CCDC171: variants seen among roughly 807,000 people sequenced by gnomAD.
The protein encoded by CCDC171 is coiled-coil domain-containing protein 171.
In CCDC171, 177 loss-of-function variants were observed where a neutral mutation model predicts 168.2. That is an observed-to-expected ratio of 1.05 (90% CI 0.93 to 1.19). CCDC171 has a LOEUF of 1.19. Ranked by LOEUF, CCDC171 falls within the 50% of genes most tolerant of loss-of-function variation. CCDC171 has a pLI of 0.00. For missense variants in CCDC171, 1,991 were observed against 1,539.0 expected (o/e 1.29, Z -4.91); for synonymous variants, 687 against 540.8 (o/e 1.27, Z -3.75).
the CCDC171 span, among the ~76,000 whole-genome samples, chr9:16,098,882 G>C: frequency 1.3e-5 from 2 of 152,186 alleles, no homozygotes; most frequent in Non-Finnish European, 2.9e-5. Context: ...GCACATATGT[G>C]GGCACGGATG....
intron 7 of CCDC171, among the ~76,000 whole-genome samples, chr9:15,646,745 A>G (rs1180269853): frequency 2.6e-5 from 4 of 152,262 alleles, no homozygotes; most frequent in African/African-American, 9.6e-5. Flanking sequence ...ACTCAGATTC[A>G]TAAAACAAAT....
intron 7 of CCDC171, among the ~76,000 whole-genome samples, chr9:15,632,053 C>T (rs1399802796): frequency 1.3e-5 from 2 of 152,142 alleles, no homozygotes; most frequent in Non-Finnish European, 2.9e-5. Flanking sequence ...GACAAACCCA[C>T]AGCCAATATC....
chr9:15,994,183 A>G (rs1459973822), intron 3 of CCDC171, among the ~76,000 whole-genome samples: 1 of 152,172 alleles, frequency 6.6e-6, no homozygotes, highest in East Asian at 1.9e-4. Context: ...CTTGGAACCA[A>G]CCCTAATGTC....
intron 24 of CCDC171, among the ~76,000 whole-genome samples, chr9:15,899,471 G>T (rs1332211985): frequency 1.3e-5 from 2 of 152,090 alleles, no homozygotes; most frequent in African/African-American, 4.8e-5. Flanking sequence ...AAGAGATCCA[G>T]TTTCTCTGCT....
downstream of CCDC171, among the ~76,000 whole-genome samples, chr9:15,978,900 C>T (rs990180626): frequency 6.6e-6 from 1 of 152,124 alleles, no homozygotes; most frequent in African/African-American, 2.4e-5. Flanking sequence ...TTTCCATTCC[C>T]CAATCCTCTA....
chr9:15,589,019 T>G (rs1041323288), intron 4 of CCDC171, among the ~76,000 whole-genome samples: 3 of 152,102 alleles, frequency 2.0e-5, no homozygotes, highest in African/African-American at 7.2e-5. Context: ...CGTGTTTTTT[T>G]TTTAGAGCTA....
rs1342070669 is a variant in CCDC171 at position 15,721,757 on chromosome 9, A to G, written c.1319-12A>G. 8 of 1,492,800 alleles carry G rather than the reference A, an allele frequency of 5.4e-6. No homozygotes were observed. Among genetic ancestry groups the G allele is most frequent in the Non-Finnish European group, 6.3e-6 (7 of 1,108,604 alleles). 92.5% of individuals were successfully genotyped at this position (1,492,800 alleles called of 1,614,324 possible). A position where few individuals can be genotyped will look rare whatever the true frequency, so the allele number is the denominator to read the frequency against. ...CTTTAAGGGTATATTTTCATCCTAT[A>G]TTTTTCTCTAGGCATCCACAAGGAC... On this transcript the variant is annotated splice_polypyrimidine_tract_variant and intron_variant, in intron 11 of 25. Coordinates refer to ENST00000380701, the MANE Select transcript of CCDC171 (RefSeq NM_173550.4).
intron 3 of CCDC171, among the ~76,000 whole-genome samples, chr9:15,999,928 T>C (rs1347055811): frequency 2.0e-5 from 3 of 152,218 alleles, no homozygotes; most frequent in Non-Finnish European, 4.4e-5. Context: ...CTAAGCGCTC[T>C]TCCTTCTGAC....
At chr9:15,896,553 T>A (rs1010085692) in intron 24 of CCDC171, among the ~76,000 whole-genome samples, 3 of 152,080 alleles carry the variant, frequency 2.0e-5, no homozygotes, top group African/African-American at 7.2e-5. Flanking sequence ...CTGAACTACA[T>A]GCAGCATCAC....
chr9:15,922,254 C>A, intron 25 of CCDC171: 1 of 267,248 alleles, frequency 3.7e-6, no homozygotes, highest in Non-Finnish European at 8.5e-6. Context: ...AGGATGTGTG[C>A]TCTCCTGTCT....
intron 8 of CCDC171, among the ~76,000 whole-genome samples, chr9:15,664,303 C>A (rs905349976): frequency 6.6e-6 from 1 of 152,100 alleles, no homozygotes; most frequent in East Asian, 1.9e-4. Flanking sequence ...GGCTGGGGTG[C>A]AGTGGTGCGA....
intron 21 of CCDC171, among the ~76,000 whole-genome samples, chr9:15,805,404 A>G (rs974231112): frequency 6.6e-6 from 1 of 152,056 alleles, no homozygotes; most frequent in African/African-American, 2.4e-5. Context: ...CCCTCTTAAC[A>G]CTGCTTTAGC....
intron 10 of CCDC171, among the ~76,000 whole-genome samples, chr9:15,691,263 C>T (rs1398446034): frequency 6.6e-6 from 1 of 151,726 alleles, no homozygotes; most frequent in Non-Finnish European, 1.5e-5. Flanking sequence ...GAGTACTATA[C>T]AGCTAAAAAA....
the CCDC171 span, among the ~76,000 whole-genome samples, chr9:16,089,219 T>G: frequency 6.6e-6 from 1 of 151,902 alleles, no homozygotes; most frequent in South Asian, 2.1e-4. Context: ...ACAAGATAGA[T>G]TATAGACTTA....
intron 23 of CCDC171, among the ~76,000 whole-genome samples, chr9:15,870,887 A>T (rs138598086): frequency 1.3e-5 from 2 of 151,370 alleles, no homozygotes; most frequent in Non-Finnish European, 3.0e-5. Context: ...TACAGTATGG[A>T]TCTTGTGGAT....
Position 15,555,791 on chromosome 9 carries a change from G to A in CCDC171, c.-112+2489G>A, listed in dbSNP as rs563967720. Among the ~76,000 whole-genome samples, 13 of 152,162 alleles carry A rather than the reference G, an allele frequency of 8.5e-5. No homozygotes were observed. In the East Asian group the frequency reaches 1.2e-3, roughly 14 times the overall value. ...GTTGGTGTGCTGCACCTGTTAACTC[G>A]TCATTTACATTAAGTATATCTCCTA... is the stretch of plus-strand genomic sequence containing the variant. On this transcript the variant is annotated intron_variant, in intron 1 of 25. Transcript: ENST00000380701.
chr9:15,698,588 T>A (rs2051414947), intron 11 of CCDC171, among the ~76,000 whole-genome samples: 1 of 151,596 alleles, frequency 6.6e-6, no homozygotes, highest in Non-Finnish European at 1.5e-5. Context: ...TAACTTAACA[T>A]AATGACCTCC....
chr9:15,952,724 C>T (rs1056422989), intron 25 of CCDC171, among the ~76,000 whole-genome samples: 2 of 152,100 alleles, frequency 1.3e-5, no homozygotes, highest in Non-Finnish European at 2.9e-5. Context: ...CAAAGAATTT[C>T]ATTGGGATTT....
chr9:15,952,325 T>TTTGTTCTCCTTTTTTCAATC (rs1238322187), intron 25 of CCDC171, among the ~76,000 whole-genome samples: 3 of 152,172 alleles, frequency 2.0e-5, no homozygotes, highest in African/African-American at 7.2e-5. Flanking sequence ...GTCCTCCAAC[T>TTTGTTCTCCTTTTTTCAATC]TTGTTCTCCT....
Sources: allele counts gnomAD v4.1 joint callset (sites outside exome capture counted in the v4.1 genomes callset), GRCh38; gene constraint gnomAD v4.1.1; transcripts MANE v1.5; gene names NCBI Gene and HGNC (gene_info 2026-07-23, HGNC 2026-07-21).